PLXNC1: variants seen among roughly 807,000 people sequenced by gnomAD.
PLXNC1 encodes the protein plexin-C1.
In PLXNC1, 75 loss-of-function variants were observed where a neutral mutation model predicts 178.2. The ratio of observed to expected loss-of-function variants is 0.42; its 90% confidence interval spans 0.35 to 0.51. The LOEUF is 0.51. PLXNC1 is among the 20% of genes least tolerant of loss of function. The pLI is 0.02. For synonymous variants in PLXNC1, 790 were observed against 779.9 expected (o/e 1.01, Z -0.22); for missense variants, 1,503 against 1,984.4 (o/e 0.76, Z 4.61).
chr12:94,247,685 C>T (rs994207587), intron 12 of PLXNC1, among the ~76,000 whole-genome samples: 2 of 152,056 alleles, frequency 1.3e-5, no homozygotes, highest in African/African-American at 2.4e-5. Flanking sequence ...TGTGCCGGGC[C>T]CTGATCTAAG....
intron 9 of PLXNC1, among the ~76,000 whole-genome samples, chr12:94,228,185 G>A (rs558191068): frequency 6.6e-6 from 1 of 152,288 alleles, no homozygotes; most frequent in African/African-American, 2.4e-5. Context: ...GAATCAAATG[G>A]ATATGAAGTT....
chr12:94,202,419 T>C (rs1461164393), intron 4 of PLXNC1, among the ~76,000 whole-genome samples: 3 of 152,242 alleles, frequency 2.0e-5, no homozygotes, highest in Admixed American at 6.5e-5. Context: ...AAGGTGGGCC[T>C]TTCCCTTTGG....
At chr12:94,286,156 G>A (rs770993549) in intron 23 of PLXNC1, among the ~76,000 whole-genome samples, 33 of 152,178 alleles carry the variant, frequency 2.2e-4, no homozygotes, top group African/African-American at 7.2e-4. Flanking sequence ...GTCACTTCCC[G>A]TCCAAATGAT....
intron 7 of PLXNC1, among the ~76,000 whole-genome samples, chr12:94,225,039 G>T (rs1271019056): frequency 6.6e-6 from 1 of 152,172 alleles, no homozygotes; most frequent in African/African-American, 2.4e-5. Flanking sequence ...TTCACCAAAA[G>T]AACATGTTCC....
intron 5 of PLXNC1, among the ~76,000 whole-genome samples, chr12:94,212,932 G>A (rs1041186848): frequency 6.6e-6 from 1 of 152,106 alleles, no homozygotes; most frequent in South Asian, 2.1e-4. Flanking sequence ...TGTTGGCCAA[G>A]ATGGTCTCAA....
chr12:94,153,501 C>A (rs1383468749), intron 1 of PLXNC1, among the ~76,000 whole-genome samples: 1 of 152,114 alleles, frequency 6.6e-6, no homozygotes, highest in Admixed American at 6.5e-5. Flanking sequence ...TGACTTCCTA[C>A]CTTTCTGAAC....
intron 9 of PLXNC1, among the ~76,000 whole-genome samples, chr12:94,234,515 A>G (rs1207992844): frequency 6.6e-6 from 1 of 152,266 alleles, no homozygotes; most frequent in Non-Finnish European, 1.5e-5. Context: ...ATAAGTTCAA[A>G]TTGTGCAGCC....
intron 4 of PLXNC1, among the ~76,000 whole-genome samples, chr12:94,194,606 T>G (rs921629924): frequency 6.6e-6 from 1 of 152,012 alleles, no homozygotes; most frequent in African/African-American, 2.4e-5. Flanking sequence ...ATACAAAAAT[T>G]AGCTGGGTGT....
chr12:94,192,439 T>C lies in PLXNC1; in HGVS notation c.1439+5966T>C, dbSNP rs1372964757. On this transcript the variant is annotated intron_variant, in intron 4 of 30. Transcript: ENST00000258526. ...AATCTAATGGGGGATATAATGTGTA[T>C]CAGTTAGGTTTCTGATCTAGTAATG... Among the ~76,000 whole-genome samples the C allele has an allele frequency of 2.0e-5, 3 of 151,504 alleles. No individual in the cohort carries two copies. In the East Asian group the frequency reaches 5.8e-4, roughly 29 times the overall value.
At chr12:94,153,020 G>A (rs903005437) in intron 1 of PLXNC1, among the ~76,000 whole-genome samples, 1 of 152,250 alleles carries the variant, frequency 6.6e-6, no homozygotes, top group African/African-American at 2.4e-5. Flanking sequence ...ACCGATTTCT[G>A]TAGACCCTCT....
At chr12:94,180,018 T>C (rs1215240405) in intron 2 of PLXNC1, among the ~76,000 whole-genome samples, 2 of 152,130 alleles carry the variant, frequency 1.3e-5, no homozygotes, top group African/African-American at 4.8e-5. Context: ...ATTATACTTC[T>C]CTAGCACTAT....
At chr12:94,249,990 C>T (rs566250847) in intron 14 of PLXNC1, among the ~76,000 whole-genome samples, 81 of 151,374 alleles carry the variant, frequency 5.4e-4, no homozygotes, top group African/African-American at 1.2e-3. Context: ...GGTTTTGCAA[C>T]GGTGGGCAGA....
intron 3 of PLXNC1, among the ~76,000 whole-genome samples, chr12:94,185,027 A>G (rs920160316): frequency 6.6e-6 from 1 of 152,238 alleles, no homozygotes; most frequent in East Asian, 1.9e-4. Context: ...CTGTCAGACA[A>G]TAGTTCATAA....
Position 94,287,159 on chromosome 12 carries a change from G to T in PLXNC1, c.3879+4758G>T, listed in dbSNP as rs186779776. Among the ~76,000 whole-genome samples, 16 of 152,334 alleles carry T rather than the reference G, an allele frequency of 1.1e-4. No homozygotes were observed. In the East Asian group the frequency reaches 2.7e-3, roughly 26 times the overall value. ...TTCCATCTGATGAACACAGAGGAGG[G>T]TGCATTTCTGTTCCAGTGTCATTCT... On this transcript the variant is annotated intron_variant, in intron 23 of 30. Coordinates refer to ENST00000258526, the MANE Select transcript of PLXNC1 (RefSeq NM_005761.3).
At chr12:94,150,127 CG>C (rs1481446697) in intron 1 of PLXNC1, 94 bp downstream of exon 1, 2 of 1,060,576 alleles carry the variant, frequency 1.9e-6, no homozygotes, top group African/African-American at 1.7e-5. Flanking sequence ...AGCGGCGGGG[CG>C]GGGGTACAGC....
chr12:94,268,588 CTTTTT>C (rs61265662), intron 21 of PLXNC1, among the ~76,000 whole-genome samples: 4 of 90,884 alleles, frequency 4.4e-5, no homozygotes, highest in South Asian at 4.4e-4. Flanking sequence ...AGAATAAGAC[CTTTTT>C]TTTTTTTTTT....
Position 94,306,735 on chromosome 12 carries a change from GC to G in PLXNC1, c.*1451del, listed in dbSNP as rs1969061150. On this transcript the variant is annotated 3_prime_UTR_variant, in exon 31 of 31. Transcript: ENST00000258526. Reference sequence around the variant, plus strand: ...ATTTAAATATGAATTTGTCTTAAAGGCAATTCCTTTTTGCTTCTGTATTATC... The same window carrying G: ...ATTTAAATATGAATTTGTCTTAAAGGAATTCCTTTTTGCTTCTGTATTATC... 6.6e-6 allele frequency: 1 copy of G among 152,098 alleles called. No individual in the cohort carries two copies. Among genetic ancestry groups the G allele is most frequent in the South Asian group, 2.1e-4 (1 of 4,826 alleles). 9.4% of individuals were successfully genotyped at this position (152,098 alleles called of 1,614,324 possible).
intron 1 of PLXNC1, among the ~76,000 whole-genome samples, chr12:94,163,817 G>A (rs1187641589): frequency 1.3e-5 from 2 of 152,128 alleles, no homozygotes; most frequent in African/African-American, 4.8e-5. Context: ...AACTTAGTCA[G>A]ATCCCGGTCA....
Position 94,300,897 on chromosome 12 carries a change from T to C in PLXNC1, c.4239-13T>C. 6 of 1,603,962 alleles carry C rather than the reference T, an allele frequency of 3.7e-6. No homozygotes were observed. Among genetic ancestry groups the C allele is most frequent in the Non-Finnish European group, 5.1e-6 (6 of 1,172,778 alleles). ...GGCCCTATTTGAAAAGAGATTATTC[T>C]CTCTTTGAACAGCCTTCCTCTTCGC... On this transcript the variant is annotated splice_polypyrimidine_tract_variant and intron_variant, in intron 27 of 30. Transcript: ENST00000258526.
Sources: gnomAD v4.1 joint callset for allele counts (sites outside exome capture counted in the v4.1 genomes callset) on GRCh38, gnomAD v4.1.1 for gene constraint, MANE v1.5 for transcripts, NCBI Gene and HGNC (gene_info 2026-07-23, HGNC 2026-07-21) for gene names.